The following MAST2 variants were observed in gnomAD, a reference collection of about 807,000 sequenced individuals.
MAST2 encodes the protein microtubule-associated serine/threonine-protein kinase 2.
MAST2 carries 70 observed loss-of-function variants against 147.4 expected under a neutral mutation model. The ratio of observed to expected loss-of-function variants is 0.47; its 90% CI spans 0.39 to 0.58. The LOEUF (loss-of-function observed/expected upper bound fraction) is 0.58, where lower values mean the gene tolerates loss of function less well. Among genes scored for constraint, MAST2 ranks in the 20% least tolerant of loss-of-function variants. The pLI is 0.00. For synonymous variants in MAST2, 869 were observed against 896.8 expected, an observed-to-expected ratio of 0.97 and a Z score of 0.55; for missense variants, 2,080 against 2,302.3, an observed-to-expected ratio of 0.90 and a Z score of 1.98.
intron 7 of MAST2, among the ~76,000 whole-genome samples, chr1:46,003,356 A>G (rs1645351257): frequency 6.6e-6 from 1 of 152,230 alleles, no homozygotes; most frequent in Non-Finnish European, 1.5e-5. Context: ...ATGCATATGA[A>G]GCAAAAAGCT....
chr1:45,896,274 G>T (rs540498366), intron 4 of MAST2, among the ~76,000 whole-genome samples: 1 of 151,994 alleles, frequency 6.6e-6, no homozygotes, highest in Admixed American at 6.6e-5. Context: ...CAAGTGATCC[G>T]CCCTCCTTGG....
chr1:45,832,986 T>C (rs1168965465), intron 3 of MAST2, among the ~76,000 whole-genome samples: 1 of 152,212 alleles, frequency 6.6e-6, no homozygotes, highest in Non-Finnish European at 1.5e-5. Flanking sequence ...CAACCACTAA[T>C]CTACTTTCCA....
At chr1:45,960,471 C>T (rs1660262666) in intron 5 of MAST2, among the ~76,000 whole-genome samples, 1 of 152,082 alleles carries the variant, frequency 6.6e-6, no homozygotes, top group Non-Finnish European at 1.5e-5. Flanking sequence ...CACTGCACTC[C>T]AGCCTGGGCA....
intron 2 of MAST2, 102 bp from the exon 3 acceptor site, chr1:45,829,337 T>C (rs1322191102): frequency 1.0e-6 from 1 of 1,004,712 alleles, no homozygotes; most frequent in East Asian, 2.8e-5. Flanking sequence ...TTTTACTTTG[T>C]ATCAGTATGG....
At chr1:45,889,790 T>C (rs1557872307) in intron 4 of MAST2, among the ~76,000 whole-genome samples, 1 of 151,964 alleles carries the variant, frequency 6.6e-6, no homozygotes, top group Non-Finnish European at 1.5e-5. Flanking sequence ...TTTTTATTTT[T>C]AGTAGAGCCA....
At chr1:45,920,700 G>C (rs1217540601) in intron 4 of MAST2, among the ~76,000 whole-genome samples, 1 of 152,168 alleles carries the variant, frequency 6.6e-6, no homozygotes, top group Non-Finnish European at 1.5e-5. Context: ...ATCTTCCTTA[G>C]TCAAGAAAAG....
chr1:45,993,301 A>AT (rs985373621), intron 5 of MAST2, among the ~76,000 whole-genome samples: 2 of 151,976 alleles, frequency 1.3e-5, no homozygotes, highest in African/African-American at 4.8e-5. Context: ...TTTTTAAAAC[A>AT]TTTTTTTGTA....
intron 4 of MAST2, among the ~76,000 whole-genome samples, chr1:45,937,584 T>C (rs1656440619): frequency 6.6e-6 from 1 of 151,860 alleles, no homozygotes; most frequent in Admixed American, 6.6e-5. Flanking sequence ...GCCCCGTCTC[T>C]ACTAAAAATA....
At chr1:45,847,789 A>G (rs1047741748) in intron 3 of MAST2, among the ~76,000 whole-genome samples, 35 of 152,092 alleles carry the variant, frequency 2.3e-4, no homozygotes, top group African/African-American at 8.5e-4. Flanking sequence ...CCTGGGTTCA[A>G]GCCATCTCCC....
intron 2 of MAST2, among the ~76,000 whole-genome samples, chr1:45,827,243 A>C (rs1644821983): frequency 6.6e-6 from 1 of 152,198 alleles, no homozygotes; most frequent in Non-Finnish European, 1.5e-5. Flanking sequence ...CTCTTGAATT[A>C]TTATAAGAAT....
intron 3 of MAST2, among the ~76,000 whole-genome samples, chr1:45,856,757 A>G (rs947450547): frequency 6.6e-6 from 1 of 152,016 alleles, no homozygotes; most frequent in African/African-American, 2.4e-5. Flanking sequence ...TGTTTTGTAT[A>G]TACGTGGGGA....
intron 1 of MAST2, among the ~76,000 whole-genome samples, chr1:45,813,542 A>G (rs1157225863): frequency 7.3e-6 from 1 of 136,098 alleles, no homozygotes; most frequent in African/African-American, 2.8e-5. Flanking sequence ...CTTGTCCCCC[A>G]GTCTGGAGTG....
intron 4 of MAST2, among the ~76,000 whole-genome samples, chr1:45,887,528 C>T (rs1172328338): frequency 6.6e-6 from 1 of 152,140 alleles, no homozygotes; most frequent in Admixed American, 6.5e-5. Context: ...CTGGTGTCTG[C>T]AGTGATAGGC....
chr1:46,003,099 C>T (rs568624759), intron 7 of MAST2, among the ~76,000 whole-genome samples: 2 of 152,310 alleles, frequency 1.3e-5, no homozygotes, highest in African/African-American at 4.8e-5. Context: ...AGTGCCCTCT[C>T]TGGGAATCAG....
At chr1:46,000,603 G>A (rs1645235534) in intron 6 of MAST2, among the ~76,000 whole-genome samples, 1 of 152,166 alleles carries the variant, frequency 6.6e-6, no homozygotes, top group Non-Finnish European at 1.5e-5. Context: ...TTTGAGTCAT[G>A]TGCATGGAAC....
intron 4 of MAST2, among the ~76,000 whole-genome samples, chr1:45,890,663 T>G (rs1218813531): frequency 1.3e-5 from 2 of 152,156 alleles, no homozygotes; most frequent in African/African-American, 4.8e-5. Flanking sequence ...AGCTTTAACA[T>G]GAATTTTGGG....
chr1:46,035,931 G>A lies in MAST2; in HGVS notation c.5262G>A (p.Arg1754=). The A allele has an allele frequency of 6.2e-7, 1 of 1,614,030 alleles. No individual in the cohort carries two copies. Among genetic ancestry groups the A allele is most frequent in the Non-Finnish European group, 8.5e-7 (1 of 1,180,020 alleles). Residue 1754 remains arginine (R), a synonymous_variant, in exon 29 of 29, where the codon AGG becomes AGA. Transcript: ENST00000361297. The surrounding 1 kb of genome is among the most constrained non-coding windows in gnomAD (Gnocchi z 5.5). ...TQVPDASGDR[R]QDVPCRGCPL... is the part of the protein sequence containing the mutation. Reference sequence around the variant, plus strand: ...TGCCTGATGCCTCAGGTGACAGAAGGCAGGACGTTCCATGCCGAGGCTGCC... The same window carrying A: ...TGCCTGATGCCTCAGGTGACAGAAGACAGGACGTTCCATGCCGAGGCTGCC...
intron 3 of MAST2, chr1:45,847,486 T>A: frequency 1.4e-6 from 1 of 719,106 alleles, no homozygotes; most frequent in Non-Finnish European, 2.3e-6. Context: ...GCCTTTTCAT[T>A]CTTCAATTTT....
intron 5 of MAST2, among the ~76,000 whole-genome samples, chr1:45,978,279 C>A (rs1227456373): frequency 6.6e-6 from 1 of 152,046 alleles, no homozygotes; most frequent in East Asian, 1.9e-4. Context: ...TTTGGGAGAC[C>A]GAGGTGGGCA....
Sources: allele counts gnomAD v4.1 joint callset (sites outside exome capture counted in the v4.1 genomes callset), GRCh38; gene constraint gnomAD v4.1.1; non-coding constraint Gnocchi (gnomAD v3.1); transcripts MANE v1.5; gene names NCBI Gene and HGNC (gene_info 2026-07-23, HGNC 2026-07-21).